The following RGS6 variants were observed in gnomAD, a reference collection of about 807,000 sequenced individuals.
RGS6 encodes regulator of G-protein signaling 6.
RGS6 carries 30 observed loss-of-function variants against 78.5 expected under a neutral mutation model. That is an observed-to-expected ratio of 0.38 (90% confidence interval 0.29 to 0.52). RGS6 has a LOEUF of 0.52. Among genes scored for constraint, RGS6 ranks in the 20% least tolerant of loss-of-function variants. RGS6 has a pLI of 0.85. For missense variants in RGS6, 495 were observed against 609.7 expected (o/e 0.81, Z 1.98); for synonymous variants, 206 against 206.0 (o/e 1.00, Z 0.00).
chr14:72,137,750 C>T (rs1222632332), intron 2 of RGS6, among the ~76,000 whole-genome samples: 1 of 152,214 alleles, frequency 6.6e-6, no homozygotes, highest in Non-Finnish European at 1.5e-5. Context: ...GGGAACACTA[C>T]CCTTTGGGCA....
chr14:72,174,541 A>G (rs123241), intron 2 of RGS6, among the ~76,000 whole-genome samples: 30,019 of 152,152 alleles, frequency 0.2, 3,285 homozygotes, highest in East Asian at 0.36. Flanking sequence ...GAATCTCCCC[A>G]GAATATATCA....
At chr14:72,001,800 T>A (rs897782917) in intron 2 of RGS6, among the ~76,000 whole-genome samples, 2 of 152,118 alleles carry the variant, frequency 1.3e-5, no homozygotes, top group Non-Finnish European at 2.9e-5. Flanking sequence ...CTAAGTTACG[T>A]TTCTCTGGAG....
intron 2 of RGS6, among the ~76,000 whole-genome samples, chr14:72,212,695 C>G (rs938111559): frequency 2.6e-5 from 4 of 152,108 alleles, no homozygotes; most frequent in African/African-American, 9.7e-5. Context: ...CAAGGAAATC[C>G]CCAAATCAGT....
At chr14:71,896,497 T>C in the RGS6 span, among the ~76,000 whole-genome samples, 1 of 152,200 alleles carries the variant, frequency 6.6e-6, no homozygotes, top group Non-Finnish European at 1.5e-5. Context: ...CCAGCTTCTT[T>C]ACCACAGGCT....
intron 2 of RGS6, among the ~76,000 whole-genome samples, chr14:72,092,374 G>A (rs1378437949): frequency 6.6e-6 from 1 of 151,880 alleles, no homozygotes; most frequent in East Asian, 1.9e-4. Context: ...GATTAATTAA[G>A]ATGGGAAAGT....
At chr14:72,044,748 C>T (rs1324619678) in intron 2 of RGS6, among the ~76,000 whole-genome samples, 1 of 152,152 alleles carries the variant, frequency 6.6e-6, no homozygotes, top group Non-Finnish European at 1.5e-5. Flanking sequence ...TGGTGGGTGC[C>T]TGTAATCCCA....
intron 3 of RGS6, among the ~76,000 whole-genome samples, chr14:72,426,879 A>G (rs1458238530): frequency 6.6e-6 from 1 of 152,250 alleles, no homozygotes; most frequent in Non-Finnish European, 1.5e-5. Context: ...AAGGTGGAAC[A>G]GAAGCAACAC....
chr14:71,888,533 C>A, the RGS6 span, among the ~76,000 whole-genome samples: 4 of 152,238 alleles, frequency 2.6e-5, no homozygotes, highest in East Asian at 7.7e-4. Flanking sequence ...ACCTCTTTCC[C>A]CTTTCAGGTT....
intron 3 of RGS6, among the ~76,000 whole-genome samples, chr14:72,451,412 G>C (rs1482109811): frequency 6.6e-6 from 1 of 152,184 alleles, no homozygotes; most frequent in African/African-American, 2.4e-5. Context: ...GGTGGACTGG[G>C]GAGAACAATT....
chr14:72,581,076 A>G, the RGS6 span, among the ~76,000 whole-genome samples: 7 of 152,170 alleles, frequency 4.6e-5, no homozygotes, highest in Non-Finnish European at 1.0e-4. Context: ...CAGGCTGTCC[A>G]AGGGGAATCA....
intron 2 of RGS6, among the ~76,000 whole-genome samples, chr14:72,109,460 A>G (rs1167934799): frequency 6.6e-6 from 1 of 152,196 alleles, no homozygotes; most frequent in Non-Finnish European, 1.5e-5. Context: ...TTGAAATTTT[A>G]GAGTCTATAA....
chr14:72,156,493 G>A, intron 2 of RGS6, among the ~76,000 whole-genome samples: 1 of 151,698 alleles, frequency 6.6e-6, no homozygotes, highest in Non-Finnish European at 1.5e-5. Flanking sequence ...GGTGGCCAAG[G>A]GGTGTTTATA....
intron 3 of RGS6, among the ~76,000 whole-genome samples, chr14:72,363,537 G>T (rs2081910043): frequency 6.6e-6 from 1 of 152,192 alleles, no homozygotes; most frequent in Non-Finnish European, 1.5e-5. Flanking sequence ...CCCGTGTAAG[G>T]ATGGTAGCAG....
At chr14:72,469,804 G>T in intron 7 of RGS6, 2 of 514,406 alleles carry the variant, frequency 3.9e-6, no homozygotes, top group Middle Eastern at 5.1e-4. Context: ...CTTAATGGGT[G>T]TGTAAATGAA....
At chr14:72,021,263 T>C (rs989485319) in intron 2 of RGS6, among the ~76,000 whole-genome samples, 2 of 152,124 alleles carry the variant, frequency 1.3e-5, no homozygotes, top group African/African-American at 4.8e-5. Context: ...GCTGAGCACT[T>C]TGCTACTTTA....
intron 2 of RGS6, among the ~76,000 whole-genome samples, chr14:72,189,588 ATT>A: frequency 6.6e-6 from 1 of 152,202 alleles, no homozygotes; most frequent in Non-Finnish European, 1.5e-5. Flanking sequence ...GCAGTAAGTG[ATT>A]TTTATTAACA....
the RGS6 span, among the ~76,000 whole-genome samples, chr14:71,925,617 A>C: frequency 1.1e-4 from 16 of 150,342 alleles, no homozygotes; most frequent in Admixed American, 2.0e-4. Flanking sequence ...ATTCTTTTCC[A>C]TGTGGATATC....
intron 2 of RGS6, among the ~76,000 whole-genome samples, chr14:72,347,204 C>T (rs918171065): frequency 6.6e-6 from 1 of 152,132 alleles, no homozygotes; most frequent in Non-Finnish European, 1.5e-5. Flanking sequence ...TCTTTAGGAA[C>T]AAAAGATGTC....
intron 2 of RGS6, among the ~76,000 whole-genome samples, chr14:72,072,212 A>G (rs1386364561): frequency 6.6e-6 from 1 of 152,042 alleles, no homozygotes; most frequent in Non-Finnish European, 1.5e-5. Flanking sequence ...CCACAATCTT[A>G]TTCTCAATGG....
Sources: allele counts gnomAD v4.1 joint callset (sites outside exome capture counted in the v4.1 genomes callset), GRCh38; gene constraint gnomAD v4.1.1; transcripts MANE v1.5; gene names NCBI Gene and HGNC (gene_info 2026-07-23, HGNC 2026-07-21).